DPP4: variants seen among roughly 807,000 people sequenced by gnomAD.
DPP4 encodes dipeptidyl peptidase 4, also known as ADCP-2.
DPP4 carries 93 observed loss-of-function variants against 122.4 expected under a neutral mutation model. That is an observed-to-expected ratio of 0.76 (90% CI 0.64 to 0.90). DPP4 has a LOEUF of 0.90. Ranked by LOEUF, DPP4 falls within the 40% of genes least tolerant of loss-of-function variation. The pLI, the probability that DPP4 is intolerant of heterozygous loss-of-function variation, is 0.00. For synonymous variants in DPP4, 321 were observed against 302.9 expected (o/e 1.06, Z -0.62); for missense variants, 914 against 907.3 (o/e 1.01, Z -0.09).
At chr2:162,007,248 C>T (rs1242538935) in intron 22 of DPP4, among the ~76,000 whole-genome samples, 3 of 152,024 alleles carry the variant, frequency 2.0e-5, no homozygotes, top group Admixed American at 6.5e-5. Flanking sequence ...TTAGGTTGTA[C>T]GTTAGATGGG....
At chr2:162,027,342 C>A (rs1447918321) in intron 10 of DPP4, among the ~76,000 whole-genome samples, 8 of 149,102 alleles carry the variant, frequency 5.4e-5, no homozygotes, top group Non-Finnish European at 8.9e-5. Context: ...GAGTGAGACT[C>A]GGTCTCAAAA....
At chr2:162,007,714 A>G (rs1701318808) in intron 22 of DPP4, among the ~76,000 whole-genome samples, 1 of 152,174 alleles carries the variant, frequency 6.6e-6, no homozygotes. Flanking sequence ...ATGAAAACAA[A>G]TTCATTGTGT....
chr2:162,021,097 T>C (rs955510600), intron 12 of DPP4, among the ~76,000 whole-genome samples: 6 of 152,200 alleles, frequency 3.9e-5, no homozygotes, highest in Admixed American at 3.3e-4. Flanking sequence ...CATATTATTT[T>C]ATATTGTTTC....
chr2:162,034,367 A>G (rs148663835), intron 9 of DPP4, among the ~76,000 whole-genome samples: 9 of 152,220 alleles, frequency 5.9e-5, no homozygotes, highest in Non-Finnish European at 1.2e-4. Context: ...ACACATCTCC[A>G]TATTTAGTCT....
Position 162,038,357 on chromosome 2 carries a change from T to C in DPP4, c.558A>G (p.Thr186=). 1 of 1,608,452 alleles carries C rather than the reference T, an allele frequency of 6.2e-7. No homozygotes were observed. Among genetic ancestry groups the C allele is most frequent in the Non-Finnish European group, 8.5e-7 (1 of 1,176,520 alleles). ...ATATTATATCTTCTTTCCCCGTCCA[T>C]GTGATTCTGTAACTTGGTAAATTTG... ...IEPNLPSYRI[T]WTGKEDIIYN... Residue 186 remains threonine, a synonymous_variant, in exon 8 of 26, where the codon ACA becomes ACG. Coordinates refer to ENST00000360534, the MANE Select transcript of DPP4 (RefSeq NM_001935.4).
chr2:162,022,674 G>A lies in DPP4; in HGVS notation c.1068+81C>T, dbSNP rs573545219. The A allele has an allele frequency of 4.5e-6, 6 of 1,329,836 alleles. No individual in the cohort carries two copies. The African/African-American group carries it at 7.2e-5, about 16-fold the overall frequency. 82.4% of individuals were successfully genotyped at this position (1,329,836 alleles called of 1,614,324 possible). ...ATTGCTATTAATAACGTATCACTTA[G>A]AGCCCTAGTTTTAAATAGCTGCATA... is the stretch of plus-strand genomic sequence containing the variant. On this transcript the variant is annotated intron_variant, in intron 12 of 25. Coordinates refer to ENST00000360534, the MANE Select transcript of DPP4 (RefSeq NM_001935.4).
rs530460695 is a variant in DPP4, at chr2:162,039,371, C to T, written c.367-187G>A. Among the ~76,000 whole-genome samples the T allele has an allele frequency of 8.5e-5, 13 of 152,094 alleles. No homozygotes were observed. In the South Asian group the frequency reaches 2.7e-3, roughly 32 times the overall value. On this transcript the variant is annotated intron_variant, in intron 5 of 25. Transcript: ENST00000360534. ...CCTAGAGATCATCTCATACAAACTC[C>T]TCTGGAGTTCATCTACAACCTAGCT...
intron 8 of DPP4, among the ~76,000 whole-genome samples, chr2:162,035,800 C>T (rs1683749201): frequency 6.6e-6 from 1 of 152,086 alleles, no homozygotes; most frequent in South Asian, 2.1e-4. Flanking sequence ...CCAGAGTTTA[C>T]TACTCTTGGC....
intron 10 of DPP4, among the ~76,000 whole-genome samples, chr2:162,028,695 T>C (rs978150227): frequency 5.9e-5 from 9 of 152,148 alleles, no homozygotes; most frequent in African/African-American, 2.2e-4. Context: ...AATGACGGAG[T>C]AATTTCTGGA....
At chr2:162,032,425 C>T (rs749495417) in intron 10 of DPP4, among the ~76,000 whole-genome samples, 6 of 144,962 alleles carry the variant, frequency 4.1e-5, no homozygotes, top group Non-Finnish European at 7.4e-5. Context: ...CAGTGGCTCT[C>T]GCCTGTAATC....
chr2:162,044,964 CTT>C (rs370441659), intron 5 of DPP4, among the ~76,000 whole-genome samples: 30 of 141,940 alleles, frequency 2.1e-4, no homozygotes, highest in Admixed American at 2.8e-4. Context: ...TTCTTTCTTT[CTT>C]TTTTTTTTTT....
intron 23 of DPP4, among the ~76,000 whole-genome samples, chr2:161,995,980 C>T (rs1300424921): frequency 6.6e-6 from 1 of 151,950 alleles, no homozygotes; most frequent in African/African-American, 2.4e-5. Flanking sequence ...CAAAAGTGGC[C>T]TTAGAAAATC....
chr2:162,045,118 A>G (rs1434031986), intron 5 of DPP4, among the ~76,000 whole-genome samples: 3 of 152,030 alleles, frequency 2.0e-5, no homozygotes, highest in Non-Finnish European at 4.4e-5. Context: ...GCATGCCACC[A>G]TGCCCGACTT....
intron 23 of DPP4, among the ~76,000 whole-genome samples, chr2:161,998,885 A>T (rs1345592419): frequency 6.6e-6 from 1 of 152,232 alleles, no homozygotes; most frequent in Non-Finnish European, 1.5e-5. Context: ...TTTTACATTA[A>T]CAATATTACA....
At position 162,045,566 on chromosome 2, in the gene DPP4, C is replaced by T; in HGVS notation, c.332G>A (p.Gly111Glu). 3 of 1,612,618 alleles carry T rather than the reference C, an allele frequency of 1.9e-6. No individual in the cohort carries two copies. The highest frequency in any genetic ancestry group is 2.5e-6 in the Non-Finnish European group (3 of 1,178,868). ...SINDYSISPDGQFILLEYNYV... is the reference protein window; with the variant it reads ...SINDYSISPDEQFILLEYNYV... ...GTTGTATTCTAAGAGAATAAACTGC[C>T]CATCAGGAGATATTGAATAATCATT... The change falls in exon 5 of 26, where the codon GGG (glycine) becomes GAG (glutamate). Residue 111 changes from glycine to glutamate, a missense_variant. Gly to Glu is a moderately conservative substitution (Grantham distance 98). Coordinates refer to ENST00000360534, the MANE Select transcript of DPP4 (RefSeq NM_001935.4).
At chr2:162,055,383 T>A (rs531479641) in intron 2 of DPP4, among the ~76,000 whole-genome samples, 1 of 152,268 alleles carries the variant, frequency 6.6e-6, no homozygotes, top group African/African-American at 2.4e-5. Flanking sequence ...CAATAGCAGA[T>A]TTACCTTGTC....
At position 162,073,488 on chromosome 2, in the gene DPP4, T is replaced by C. The variant is rs1685193672; in HGVS notation, c.7-2A>G. The stretch of plus-strand genomic sequence containing the variant: ...TCCCAGAAGAACCTTCCACGGTGTC[T>C]GCAAGCCGAGCAGATCAAGTCCAAT... On this transcript the variant is annotated splice_acceptor_variant, in intron 1 of 25. Transcript: ENST00000360534. LOFTEE classifies it high-confidence loss of function. 6.2e-7 allele frequency: 1 copy of C among 1,613,734 alleles called. No individual in the cohort carries two copies. The highest frequency in any genetic ancestry group is 8.5e-7 in the Non-Finnish European group (1 of 1,179,984).
rs1701245106 is a variant in DPP4, at chr2:162,004,964, T to C, written c.2052+781A>G. On this transcript the variant is annotated intron_variant, in intron 23 of 25. Transcript: ENST00000360534. ...GTAAGTTTCAGGGTTTTAAAAAAAT[T>C]TTTTTCAACCTAACATGACAAACAG... Among the ~76,000 whole-genome samples the C allele has an allele frequency of 2.6e-5, 4 of 152,166 alleles. No homozygotes were observed. In the South Asian group the frequency reaches 8.3e-4, roughly 32 times the overall value.
At chr2:162,011,478 C>T (rs1338218697) in intron 20 of DPP4, among the ~76,000 whole-genome samples, 2 of 152,052 alleles carry the variant, frequency 1.3e-5, no homozygotes, top group African/African-American at 4.8e-5. Flanking sequence ...ACATTTATTC[C>T]TCAGTTTGTC....
Sources: allele counts gnomAD v4.1 joint callset (sites outside exome capture counted in the v4.1 genomes callset), GRCh38; gene constraint gnomAD v4.1.1; transcripts MANE v1.5; gene names NCBI Gene and HGNC (gene_info 2026-07-23, HGNC 2026-07-21).